HDAC4: variants seen among roughly 807,000 people sequenced by gnomAD.
HDAC4 encodes histone deacetylase 4, also known as histone deacetylase A.
In HDAC4, 16 loss-of-function variants were observed where a neutral mutation model predicts 135.1. That is an observed-to-expected ratio of 0.12 (90% CI 0.08 to 0.18). HDAC4 has a LOEUF of 0.18. HDAC4 is among the 10% of genes least tolerant of loss of function. HDAC4 has a pLI of 1.00. For synonymous variants in HDAC4, 685 were observed against 653.4 expected (o/e 1.05, Z -0.74); for missense variants, 1,143 against 1,511.8 (o/e 0.76, Z 4.05).
At chr2:239,237,488 G>C (rs1429913468) in intron 2 of HDAC4, among the ~76,000 whole-genome samples, 1 of 151,742 alleles carries the variant, frequency 6.6e-6, no homozygotes, top group African/African-American at 2.4e-5. Flanking sequence ...CTAAGCGAAG[G>C]AGAGCACCAG....
intron 22 of HDAC4, among the ~76,000 whole-genome samples, chr2:239,080,139 C>T (rs143019438): frequency 3.9e-5 from 6 of 152,254 alleles, no homozygotes; most frequent in South Asian, 2.1e-4. Flanking sequence ...AACACACACA[C>T]GCACGTGGAC....
intron 4 of HDAC4, among the ~76,000 whole-genome samples, chr2:239,178,327 G>C (rs183564285): frequency 1.5e-3 from 226 of 152,286 alleles, no homozygotes; most frequent in South Asian, 3.1e-3. Context: ...CTGGAGTGCA[G>C]TGGCGCAATC....
At chr2:239,197,801 T>C (rs1201845438) in intron 3 of HDAC4, among the ~76,000 whole-genome samples, 1 of 151,920 alleles carries the variant, frequency 6.6e-6, no homozygotes, top group African/African-American at 2.4e-5. Flanking sequence ...CTAGATAAAA[T>C]ATCTTGTCTA....
chr2:239,311,455 C>A (rs1328343461), intron 2 of HDAC4, among the ~76,000 whole-genome samples: 3 of 152,220 alleles, frequency 2.0e-5, no homozygotes, highest in Admixed American at 1.3e-4. Context: ...TAACTCCTGG[C>A]ACTCCTTTCC....
chr2:239,324,870 CAG>C (rs989274075), intron 2 of HDAC4, among the ~76,000 whole-genome samples: 2 of 152,194 alleles, frequency 1.3e-5, no homozygotes, highest in African/African-American at 4.8e-5. Context: ...TTAGGAAGAG[CAG>C]AGTCTACACC....
At chr2:239,353,203 G>A (rs1211031345) in intron 1 of HDAC4, among the ~76,000 whole-genome samples, 2 of 152,052 alleles carry the variant, frequency 1.3e-5, no homozygotes, top group East Asian at 1.9e-4. Flanking sequence ...TAGTAGAAAC[G>A]GGGTTTTGCC....
intron 16 of HDAC4, among the ~76,000 whole-genome samples, chr2:239,101,158 A>C (rs1033882592): frequency 1.3e-5 from 2 of 151,616 alleles, no homozygotes; most frequent in African/African-American, 2.4e-5. Flanking sequence ...ACTGCTGTTC[A>C]CTCCCTTCTC....
chr2:239,388,431 G>C (rs1245757233), intron 1 of HDAC4, among the ~76,000 whole-genome samples: 2 of 152,250 alleles, frequency 1.3e-5, no homozygotes, highest in Non-Finnish European at 2.9e-5. Context: ...GGCCACGTTT[G>C]CATCGGCCTT....
At chr2:239,161,934 C>T (rs978022136) in intron 6 of HDAC4, 2 of 369,912 alleles carry the variant, frequency 5.4e-6, no homozygotes, top group African/African-American at 4.2e-5. Flanking sequence ...TGCAGCCTTT[C>T]CTTGGGCCTG....
chr2:239,112,756 C>T lies in HDAC4; in HGVS notation c.1792-1044G>A, dbSNP rs77761587. Among the ~76,000 whole-genome samples, 300 of 152,334 alleles carry T rather than the reference C, an allele frequency of 2.0e-3. 2 individuals are homozygous for T. In the East Asian group the frequency reaches 0.026, roughly 13 times the overall value. On this transcript the variant is annotated intron_variant, in intron 13 of 26. Coordinates refer to ENST00000543185, the MANE Select transcript of HDAC4 (RefSeq NM_001378414.1). ...AGGCCGAGGCACAAAGAAAGCCGGG[C>T]GCCTCCTTGCTGGGAGCTCTGCGCC...
In HDAC4 at chr2:239,082,239, A is replaced by G. The variant is rs1232349838; in HGVS notation, c.2533-18T>C. The G allele has an allele frequency of 1.2e-6, 2 of 1,614,056 alleles. No homozygotes were observed. The highest frequency in any genetic ancestry group is 1.7e-6 in the Non-Finnish European group (2 of 1,180,034). On this transcript the variant is annotated intron_variant, in intron 20 of 26. Transcript: ENST00000543185. ...TGCACGTCCTTAAAGAGCAGGGACAACTACTTCAGGGCTGAGGCAGGTATT... is the reference window on the plus strand; with the variant it reads ...TGCACGTCCTTAAAGAGCAGGGACAGCTACTTCAGGGCTGAGGCAGGTATT...
Position 239,309,184 on chromosome 2 carries a change from C to T in HDAC4, c.22+43494G>A, listed in dbSNP as rs2052755533. ...ACTCAGGAGAAACCCAAGTCCTGCT[C>T]TCCCGGCGGCCTCGCTGGGGAAGAA... is the stretch of plus-strand genomic sequence containing the variant. On this transcript the variant is annotated intron_variant, in intron 2 of 26. Transcript: ENST00000543185. This position sits in a 1 kb window ranked among gnomAD's most constrained non-coding sequence, Gnocchi z 4.2. 2.0e-5 allele frequency: 3 copies of T among 152,192 alleles called. No homozygotes were observed. In the South Asian group the frequency reaches 6.2e-4, roughly 31 times the overall value. The allele number at this position is 152,192 out of a possible 1,614,324, so 9.4% of individuals were successfully genotyped here.
chr2:239,386,083 T>C (rs1038011236), intron 1 of HDAC4, among the ~76,000 whole-genome samples: 25 of 151,570 alleles, frequency 1.6e-4, no homozygotes, highest in Non-Finnish European at 3.2e-4. Context: ...GGGCCTGCGT[T>C]TTACTCTAGA....
At chr2:239,390,573 T>A (rs115198420) in intron 1 of HDAC4, among the ~76,000 whole-genome samples, 4 of 152,084 alleles carry the variant, frequency 2.6e-5, no homozygotes, top group African/African-American at 9.7e-5. Context: ...ATATATATAT[T>A]GGAAGCCACC....
chr2:239,103,634 T>C (rs2152768314), intron 15 of HDAC4, among the ~76,000 whole-genome samples: 1 of 152,330 alleles, frequency 6.6e-6, no homozygotes, highest in South Asian at 2.1e-4. Flanking sequence ...GTTGTGGCTG[T>C]TACCTGCTTC....
chr2:239,171,296 C>A (rs111510608), intron 5 of HDAC4, among the ~76,000 whole-genome samples: 331 of 151,984 alleles, frequency 2.2e-3, no homozygotes, highest in African/African-American at 7.5e-3. Flanking sequence ...TCAAGAAAGT[C>A]TATGGAAAAC....
chr2:239,392,729 T>C (rs1013126166), intron 1 of HDAC4, among the ~76,000 whole-genome samples: 15 of 152,276 alleles, frequency 9.9e-5, no homozygotes, highest in African/African-American at 3.4e-4. Flanking sequence ...AATAGCCAGC[T>C]GGGATTAGCC....
intron 1 of HDAC4, among the ~76,000 whole-genome samples, chr2:239,385,435 G>A (rs963855408): frequency 2.6e-5 from 4 of 152,226 alleles, no homozygotes; most frequent in African/African-American, 9.6e-5. Flanking sequence ...CAGCAGCGGG[G>A]AAGCTCTGCC....
chr2:239,234,465 C>T (rs541848177), intron 3 of HDAC4, among the ~76,000 whole-genome samples: 1 of 152,302 alleles, frequency 6.6e-6, no homozygotes, highest in African/African-American at 2.4e-5. Context: ...TGACAGGCTG[C>T]AGGAGAGGTC....
Sources: allele counts gnomAD v4.1 joint callset (sites outside exome capture counted in the v4.1 genomes callset), GRCh38; gene constraint gnomAD v4.1.1; non-coding constraint Gnocchi (gnomAD v3.1); transcripts MANE v1.5; gene names NCBI Gene and HGNC (gene_info 2026-07-23, HGNC 2026-07-21).